The following OPCML variants were observed in gnomAD, a reference collection of about 807,000 sequenced individuals.
The protein encoded by OPCML is opioid-binding protein/cell adhesion molecule.
Under a neutral mutation model 37.8 loss-of-function variants are expected in OPCML, and 13 were observed. That is an observed-to-expected ratio of 0.34 (90% CI 0.22 to 0.55). The LOEUF (loss-of-function observed/expected upper bound fraction) is 0.55, where lower values mean the gene tolerates loss of function less well. Ranked by LOEUF, OPCML falls within the 20% of genes least tolerant of loss-of-function variation. OPCML has a pLI of 0.91. For missense variants in OPCML, 341 were observed against 435.6 expected (o/e 0.78, Z 1.93); for synonymous variants, 176 against 168.8 (o/e 1.04, Z -0.33).
intron 2 of OPCML, among the ~76,000 whole-genome samples, chr11:132,762,199 G>A (rs572010232): frequency 6.6e-6 from 1 of 152,304 alleles, no homozygotes. Context: ...TCCCAAAGGG[G>A]CACCTGCCAA....
At chr11:133,367,594 G>C (rs955337700) in intron 1 of OPCML, among the ~76,000 whole-genome samples, 1 of 152,230 alleles carries the variant, frequency 6.6e-6, no homozygotes, top group Non-Finnish European at 1.5e-5. Flanking sequence ...GGCCTTTCGA[G>C]TAAAGCAGTG....
intron 1 of OPCML, among the ~76,000 whole-genome samples, chr11:133,336,468 G>A (rs1362469615): frequency 1.3e-5 from 2 of 152,136 alleles, no homozygotes; most frequent in Non-Finnish European, 2.9e-5. Flanking sequence ...TAAGTGTATT[G>A]CCATTGATAT....
chr11:132,982,799 C>T (rs1946614648), intron 1 of OPCML, among the ~76,000 whole-genome samples: 1 of 152,298 alleles, frequency 6.6e-6, no homozygotes, highest in Non-Finnish European at 1.5e-5. Flanking sequence ...AACAATCAGC[C>T]TCACTCCACT....
At chr11:133,273,602 C>G (rs892052709) in intron 1 of OPCML, among the ~76,000 whole-genome samples, 1 of 152,036 alleles carries the variant, frequency 6.6e-6, no homozygotes, top group South Asian at 2.1e-4. Flanking sequence ...TAAAATTAAT[C>G]AGTAAAAATT....
chr11:133,419,327 T>C, intron 1 of OPCML: 1 of 985,404 alleles, frequency 1.0e-6, no homozygotes, highest in African/African-American at 1.7e-5. Flanking sequence ...TAGGCATGAA[T>C]CTCAGGTTAA....
chr11:132,505,731 A>G (rs1347057399), intron 4 of OPCML, among the ~76,000 whole-genome samples: 1 of 152,194 alleles, frequency 6.6e-6, no homozygotes, highest in Non-Finnish European at 1.5e-5. Context: ...CTCTCCCGGG[A>G]TACAGAAGAA....
chr11:132,657,840 A>T (rs1393144458), intron 2 of OPCML, among the ~76,000 whole-genome samples: 1 of 152,266 alleles, frequency 6.6e-6, no homozygotes, highest in African/African-American at 2.4e-5. Flanking sequence ...ACTACAATTT[A>T]TAACATAGGT....
At chr11:133,484,243 G>C (rs1947481017) in intron 1 of OPCML, among the ~76,000 whole-genome samples, 1 of 152,138 alleles carries the variant, frequency 6.6e-6, no homozygotes, top group South Asian at 2.1e-4. Context: ...ATTCTTTACA[G>C]GGGGATGGCA....
At chr11:133,334,952 C>T (rs1943710592) in intron 1 of OPCML, among the ~76,000 whole-genome samples, 1 of 152,168 alleles carries the variant, frequency 6.6e-6, no homozygotes, top group Admixed American at 6.5e-5. Flanking sequence ...TCCATGGAAG[C>T]AGAGCTCAGT....
intron 1 of OPCML, among the ~76,000 whole-genome samples, chr11:133,024,017 T>G (rs569199943): frequency 1.3e-5 from 2 of 152,318 alleles, no homozygotes; most frequent in South Asian, 4.1e-4. Context: ...GAGCTAATTG[T>G]TGCGCAGAAA....
intron 1 of OPCML, among the ~76,000 whole-genome samples, chr11:133,106,409 G>A (rs1314593607): frequency 6.6e-6 from 1 of 152,188 alleles, no homozygotes; most frequent in African/African-American, 2.4e-5. Flanking sequence ...AATGATGATG[G>A]CAACTAGAAA....
At chr11:132,972,234 C>A (rs867374730) in intron 1 of OPCML, among the ~76,000 whole-genome samples, 39 of 152,144 alleles carry the variant, frequency 2.6e-4, no homozygotes, top group Admixed American at 2.6e-4. Context: ...TTGGTGGCCC[C>A]AGTCCTGCGG....
At chr11:133,385,868 T>C (rs954743882) in intron 1 of OPCML, among the ~76,000 whole-genome samples, 7 of 151,864 alleles carry the variant, frequency 4.6e-5, no homozygotes, top group African/African-American at 1.4e-4. Flanking sequence ...TAACAGCAAG[T>C]TGGCTCCAGA....
chr11:132,752,580 G>A (rs1054162386), intron 2 of OPCML, among the ~76,000 whole-genome samples: 1 of 151,406 alleles, frequency 6.6e-6, no homozygotes, highest in Admixed American at 6.6e-5. Context: ...TGTAGAAGTT[G>A]ATCCTCTAGA....
At chr11:133,377,485 CTCT>C (rs1944831723) in intron 1 of OPCML, among the ~76,000 whole-genome samples, 1 of 151,952 alleles carries the variant, frequency 6.6e-6, no homozygotes. Flanking sequence ...TTCTCTTTCC[CTCT>C]TCCTGTCTGT....
chr11:133,112,853 T>G (rs985630), intron 1 of OPCML, among the ~76,000 whole-genome samples: 1 of 150,708 alleles, frequency 6.6e-6, no homozygotes, highest in East Asian at 2.0e-4. Context: ...TCCAGAAGAG[T>G]GGACTGTCAT....
chr11:133,220,796 G>A (rs478223), intron 1 of OPCML, among the ~76,000 whole-genome samples: 141,017 of 152,048 alleles, frequency 0.93, 65,574 homozygotes, highest in East Asian at 1. Context: ...AAGGAGCTTC[G>A]GGAGCCTCTA....
chr11:133,256,510 T>G (rs551567576), intron 1 of OPCML, among the ~76,000 whole-genome samples: 60 of 152,248 alleles, frequency 3.9e-4, no homozygotes, highest in Non-Finnish European at 7.1e-4. Flanking sequence ...GAAAAAACAC[T>G]GTAGACTATG....
At chr11:133,281,457 T>A (rs1942153291) in intron 1 of OPCML, among the ~76,000 whole-genome samples, 2 of 152,038 alleles carry the variant, frequency 1.3e-5, no homozygotes, top group African/African-American at 4.8e-5. Flanking sequence ...ACTGGTAAAT[T>A]CCTGAGACCT....
Sources: allele counts gnomAD v4.1 joint callset (sites outside exome capture counted in the v4.1 genomes callset), GRCh38; gene constraint gnomAD v4.1.1; transcripts MANE v1.5; gene names NCBI Gene and HGNC (gene_info 2026-07-23, HGNC 2026-07-21).